Variants in COG4 observed in about 807,000 individuals in gnomAD.
COG4 encodes conserved oligomeric Golgi complex subunit 4.
In COG4, 65 loss-of-function variants were observed where a neutral mutation model predicts 95.1. That is an observed-to-expected ratio of 0.68 (90% CI 0.56 to 0.84). The LOEUF (loss-of-function observed/expected upper bound fraction) is 0.84. Ranked by LOEUF, COG4 falls within the 40% of genes least tolerant of loss-of-function variation. The pLI, the probability that COG4 is intolerant of heterozygous loss-of-function variation, is 0.00. For missense variants in COG4, 1,045 were observed against 989.1 expected, an observed-to-expected ratio of 1.06 and a Z score of -0.76; for synonymous variants, 421 against 374.8, an observed-to-expected ratio of 1.12 and a Z score of -1.42.
chr16:70,505,646 G>A (rs1000965207), intron 8 of COG4, among the ~76,000 whole-genome samples: 6 of 148,296 alleles, frequency 4.0e-5, no homozygotes, highest in South Asian at 2.2e-4. Context: ...TGGCTAACAC[G>A]GTGAAACCCC....
At chr16:70,521,894 G>A (rs1255634426) in intron 1 of COG4, among the ~76,000 whole-genome samples, 1 of 148,270 alleles carries the variant, frequency 6.7e-6, no homozygotes, top group Admixed American at 6.8e-5. Flanking sequence ...GTAGAGACGG[G>A]GTTTCACTGT....
At chr16:70,509,158 C>T in intron 7 of COG4, 73 bp downstream of exon 7, 2 of 1,585,136 alleles carry the variant, frequency 1.3e-6, no homozygotes, top group Middle Eastern at 1.8e-4. Context: ...TTTTTCAAAC[C>T]CTACAATTTA....
intron 12 of COG4, 144 bp from the exon 13 acceptor site, chr16:70,490,536 C>A: frequency 4.1e-6 from 3 of 726,030 alleles, no homozygotes; most frequent in Non-Finnish European, 7.5e-6. Context: ...AAAACCCACA[C>A]TGCTACATCT....
chr16:70,518,068 C>T (rs551874776), intron 2 of COG4, among the ~76,000 whole-genome samples: 153 of 152,116 alleles, frequency 1.0e-3, no homozygotes, highest in Non-Finnish European at 1.8e-3. Flanking sequence ...GTAGCTGGGA[C>T]TACAGGCGCG....
rs567150335 is a variant in COG4 at position 70,489,937 on chromosome 16, T to C, written c.1710+393A>G. 9.2e-5 allele frequency among the ~76,000 whole-genome samples: 14 copies of C among 152,120 alleles called. No homozygotes were observed. The South Asian group carries it at 2.9e-3, about 32-fold the overall frequency. On this transcript the variant is annotated intron_variant, in intron 13 of 18. Coordinates refer to ENST00000323786, the MANE Select transcript of COG4 (RefSeq NM_015386.3). The stretch of plus-strand genomic sequence containing the variant: ...GGTTCAAGTGATTCTCCTGCCTCAG[T>C]TTCCCAAGCAGCTGGGATTACAGGT...
intron 13 of COG4, 74 bp downstream of exon 13, chr16:70,490,256 G>A (rs2049216766): frequency 2.5e-6 from 3 of 1,200,934 alleles, no homozygotes; most frequent in Admixed American, 3.4e-5. Context: ...TCTTCACCAT[G>A]ATGTTTGTAT....
At chr16:70,483,095 T>TACCCCATCCCTCTCTCCTCTCCCC (rs2049042021) in intron 14 of COG4, among the ~76,000 whole-genome samples, 1 of 25,012 alleles carries the variant, frequency 4.0e-5, no homozygotes, top group Non-Finnish European at 7.2e-5. Context: ...CTTTTCTCCC[T>TACCCCATCCCTCTCTCCTCTCCCC]ACCCCATCCC....
At chr16:70,490,884 C>T (rs1054011156) in intron 12 of COG4, among the ~76,000 whole-genome samples, 2 of 151,962 alleles carry the variant, frequency 1.3e-5, no homozygotes, top group Non-Finnish European at 2.9e-5. Flanking sequence ...TGGTCTTGAT[C>T]TCCTGACCTC....
At chr16:70,487,297 A>G (rs1338292685) in intron 13 of COG4, among the ~76,000 whole-genome samples, 1 of 143,934 alleles carries the variant, frequency 6.9e-6, no homozygotes, top group African/African-American at 2.6e-5. Context: ...AAATAAAAAT[A>G]AAAAAAAAAA....
intron 13 of COG4, among the ~76,000 whole-genome samples, chr16:70,488,142 T>A (rs2049174785): frequency 6.6e-6 from 1 of 151,210 alleles, no homozygotes; most frequent in African/African-American, 2.4e-5. Flanking sequence ...TTACCTTTTT[T>A]TTTTCTTTTG....
At chr16:70,489,375 G>C (rs1052609153) in intron 13 of COG4, among the ~76,000 whole-genome samples, 2 of 151,340 alleles carry the variant, frequency 1.3e-5, no homozygotes, top group African/African-American at 4.9e-5. Flanking sequence ...CTGCCACCAT[G>C]GCTGGCTCAT....
At position 70,482,990 on chromosome 16, in the gene COG4, C is replaced by G. The variant is rs545162866; in HGVS notation, c.1828-169G>C. Among the ~76,000 whole-genome samples the G allele has an allele frequency of 3.1e-5, 4 of 127,806 alleles. No individual in the cohort carries two copies. In the East Asian group the frequency reaches 9.8e-4, roughly 31 times the overall value. The allele number at this position is 127,806 out of a possible 152,430, so 83.8% of individuals were successfully genotyped here. A position where few individuals can be genotyped will look rare whatever the true frequency, so the allele number is the denominator to read the frequency against. On this transcript the variant is annotated intron_variant, in intron 14 of 18. Coordinates refer to ENST00000323786, the MANE Select transcript of COG4 (RefSeq NM_015386.3). ...TCTTCCTTCTCTCCTCTCCCCACCC[C>G]TTCCCTCTCCTCTCCCTACCCCTTC...
intron 13 of COG4, among the ~76,000 whole-genome samples, chr16:70,486,993 C>T (rs1257188275): frequency 7.4e-6 from 1 of 135,612 alleles, no homozygotes; most frequent in East Asian, 2.2e-4. Context: ...GAAACTTCAT[C>T]TCAAAAAAAA....
Position 70,482,810 on chromosome 16 carries a change from C to G in COG4, c.1839G>C (p.Thr613=). ...GCTTGATGGCTGTGCTGTTGAGCTC[C>G]GTCAGCCCTTCCTGCACAAGGACAA... ...KFRDLLQEGL[T]ELNSTAIKPQ... Residue 613 remains threonine (T), a synonymous_variant, in exon 15 of 19, where the codon ACG becomes ACC. Coordinates refer to ENST00000323786, the MANE Select transcript of COG4 (RefSeq NM_015386.3). 1 of 1,613,608 alleles carries G rather than the reference C, an allele frequency of 6.2e-7. No individual in the cohort carries two copies. Among genetic ancestry groups the G allele is most frequent in the South Asian group, 1.1e-5 (1 of 91,080 alleles).
At position 70,482,457 on chromosome 16, in the gene COG4, G is replaced by GA. The variant is rs570313274; in HGVS notation, c.1920+271dup. 1.3e-4 allele frequency: 76 copies of GA among 601,508 alleles called. No homozygotes were observed. The South Asian group carries it at 1.3e-3, about 11-fold the overall frequency. The allele number at this position is 601,508 out of a possible 1,614,324, so 37.3% of individuals were successfully genotyped here. ...AGGAATGAAATCACTACGCCAGGAG[G>GA]AAAAAAACGCTTCTAAGTCTATCAT... On this transcript the variant is annotated intron_variant, in intron 15 of 18. Transcript: ENST00000323786.
At chr16:70,494,622 G>A (rs2049304539) in intron 12 of COG4, among the ~76,000 whole-genome samples, 2 of 152,086 alleles carry the variant, frequency 1.3e-5, no homozygotes, top group African/African-American at 2.4e-5. Flanking sequence ...GGTGGAAAAC[G>A]GAACTGGAAA....
intron 13 of COG4, among the ~76,000 whole-genome samples, chr16:70,486,328 G>C (rs755534159): frequency 6.6e-6 from 1 of 152,182 alleles, no homozygotes; most frequent in Non-Finnish European, 1.5e-5. Flanking sequence ...AGTTCATGCT[G>C]TTTTGGCTCC....
intron 12 of COG4, among the ~76,000 whole-genome samples, chr16:70,492,899 G>T (rs1009513016): frequency 6.6e-6 from 1 of 152,032 alleles, no homozygotes; most frequent in Non-Finnish European, 1.5e-5. Flanking sequence ...TGAGGCGGAG[G>T]TTGCAGTGAG....
intron 12 of COG4, among the ~76,000 whole-genome samples, chr16:70,495,074 C>T (rs1018728246): frequency 6.6e-6 from 1 of 152,048 alleles, no homozygotes; most frequent in Non-Finnish European, 1.5e-5. Context: ...GCTCTGAACT[C>T]TTTTGGGGGT....
Sources: gnomAD v4.1 joint callset for allele counts (sites outside exome capture counted in the v4.1 genomes callset) on GRCh38, gnomAD v4.1.1 for gene constraint, MANE v1.5 for transcripts, NCBI Gene and HGNC (gene_info 2026-07-23, HGNC 2026-07-21) for gene names.